The following SNTG1 variants were observed in gnomAD, a reference collection of about 807,000 sequenced individuals.
SNTG1 encodes syntrophin gamma 1.
In SNTG1, 39 loss-of-function variants were observed where a neutral mutation model predicts 74.7. The observed-to-expected ratio is 0.52, with a 90% CI of 0.40 to 0.68. SNTG1 has a LOEUF of 0.68. Ranked by LOEUF, SNTG1 falls within the 30% of genes least tolerant of loss-of-function variation. The probability of loss-of-function intolerance (pLI) is 0.00; values close to 1 mark genes in which losing one functional copy is unlikely to be tolerated. For missense variants in SNTG1, 685 were observed against 609.5 expected, an observed-to-expected ratio of 1.12 and a Z score of -1.30; for synonymous variants, 254 against 217.1, an observed-to-expected ratio of 1.17 and a Z score of -1.49.
intron 1 of SNTG1, among the ~76,000 whole-genome samples, chr8:50,094,454 A>T (rs1314069643): frequency 6.6e-6 from 1 of 152,204 alleles, no homozygotes; most frequent in Non-Finnish European, 1.5e-5. Context: ...TCTAATATCC[A>T]AAATCTATAA....
At chr8:50,493,418 T>A (rs960796887) in intron 8 of SNTG1, among the ~76,000 whole-genome samples, 13 of 152,176 alleles carry the variant, frequency 8.5e-5, no homozygotes, top group African/African-American at 3.1e-4. Context: ...TTTCTAATGT[T>A]TGTAATACTG....
At chr8:50,022,730 A>G (rs971247986) in intron 1 of SNTG1, among the ~76,000 whole-genome samples, 1 of 152,182 alleles carries the variant, frequency 6.6e-6, no homozygotes, top group African/African-American at 2.4e-5. Flanking sequence ...CAGAGCATAC[A>G]TGGATTAGGA....
intron 13 of SNTG1, among the ~76,000 whole-genome samples, chr8:50,621,659 C>T (rs1384827): frequency 0.043 from 6,549 of 152,192 alleles, 243 homozygotes; most frequent in African/African-American, 0.094. Context: ...AGCCAACAGA[C>T]AACTGCCAAG....
intron 3 of SNTG1, among the ~76,000 whole-genome samples, chr8:50,395,245 C>T (rs1023900932): frequency 6.6e-6 from 1 of 152,054 alleles, no homozygotes; most frequent in Non-Finnish European, 1.5e-5. Flanking sequence ...TAATAAATTG[C>T]TTTTATATTT....
chr8:49,961,895 C>A (rs1810717454), intron 1 of SNTG1, among the ~76,000 whole-genome samples: 1 of 152,166 alleles, frequency 6.6e-6, no homozygotes, highest in Admixed American at 6.5e-5. Context: ...TCTTGAGTGT[C>A]CATCCAAGTA....
intron 15 of SNTG1, among the ~76,000 whole-genome samples, chr8:50,659,188 G>A (rs2095203506): frequency 6.6e-6 from 1 of 152,042 alleles, no homozygotes. Context: ...TATATCAGTT[G>A]AATTTCATGC....
chr8:50,514,532 A>G (rs1025572049), intron 9 of SNTG1, among the ~76,000 whole-genome samples: 2 of 151,946 alleles, frequency 1.3e-5, no homozygotes, highest in Non-Finnish European at 2.9e-5. Flanking sequence ...TCATTTGTGT[A>G]TTTTTCAGTT....
In SNTG1 at chr8:50,290,360, A is replaced by C. The variant is rs77546209; in HGVS notation, c.-27-103852A>C. Among the ~76,000 whole-genome samples, 1,511 of 152,316 alleles carry C rather than the reference A, an allele frequency of 9.9e-3. 29 individuals are homozygous for C. The highest frequency in any genetic ancestry group is 0.033 in the African/African-American group (1,357 of 41,572). ...TTTCAGAATGCCATTTGCAATGCCT[A>C]AAGGTCCTTGAAAGAGGATTCTTTC... On this transcript the variant is annotated intron_variant, in intron 2 of 18. Transcript: ENST00000642720.
intron 12 of SNTG1, among the ~76,000 whole-genome samples, chr8:50,590,390 T>C (rs1477362101): frequency 2.0e-5 from 3 of 152,146 alleles, no homozygotes; most frequent in Non-Finnish European, 2.9e-5. Context: ...TAAAATGTCA[T>C]TGATTAAATT....
At chr8:50,463,705 G>A (rs2131698985) in intron 8 of SNTG1, among the ~76,000 whole-genome samples, 1 of 152,204 alleles carries the variant, frequency 6.6e-6, no homozygotes, top group African/African-American at 2.4e-5. Flanking sequence ...AAAGTCGCTA[G>A]CATTTTCAAA....
chr8:50,377,016 G>A (rs1015682097), intron 2 of SNTG1, among the ~76,000 whole-genome samples: 13 of 152,094 alleles, frequency 8.5e-5, no homozygotes, highest in African/African-American at 2.9e-4. Flanking sequence ...GCTCCTGCCT[G>A]GGCATCATGA....
At chr8:50,791,657 T>C (rs866900898) in intron 18 of SNTG1, among the ~76,000 whole-genome samples, 9 of 151,890 alleles carry the variant, frequency 5.9e-5, no homozygotes, top group African/African-American at 1.7e-4. Context: ...ATTATAATTC[T>C]AAATTCTTTA....
At chr8:49,960,554 G>A (rs759169512) in intron 1 of SNTG1, among the ~76,000 whole-genome samples, 8 of 151,926 alleles carry the variant, frequency 5.3e-5, no homozygotes, top group Admixed American at 2.6e-4. Context: ...TTGAAAGGAC[G>A]ATATGTTGAT....
intron 1 of SNTG1, among the ~76,000 whole-genome samples, chr8:50,088,909 A>C (rs534529274): frequency 9.4e-4 from 142 of 150,268 alleles, no homozygotes; most frequent in Middle Eastern, 3.4e-3. Context: ...AAACTACTTT[A>C]AAGTTCATAT....
intron 13 of SNTG1, among the ~76,000 whole-genome samples, chr8:50,650,055 C>T (rs563579509): frequency 6.6e-6 from 1 of 150,988 alleles, no homozygotes; most frequent in South Asian, 2.1e-4. Context: ...AGTGTATATT[C>T]CTGTATTGTT....
chr8:50,720,277 A>T (rs1012736831), intron 17 of SNTG1, among the ~76,000 whole-genome samples: 2 of 152,196 alleles, frequency 1.3e-5, no homozygotes, highest in Admixed American at 6.5e-5. Flanking sequence ...TAGCCTTTTA[A>T]TAACTTTCTC....
At chr8:50,326,850 G>A (rs1359080720) in intron 2 of SNTG1, among the ~76,000 whole-genome samples, 1 of 151,776 alleles carries the variant, frequency 6.6e-6, no homozygotes, top group Non-Finnish European at 1.5e-5. Context: ...TCTAAGCACT[G>A]CTATCTCTAC....
intron 18 of SNTG1, among the ~76,000 whole-genome samples, chr8:50,756,779 G>A (rs566454216): frequency 2.0e-5 from 3 of 151,594 alleles, no homozygotes; most frequent in East Asian, 3.9e-4. Flanking sequence ...ATATATTTTA[G>A]AATCAATTTG....
At chr8:50,251,832 C>T (rs932894868) in intron 2 of SNTG1, among the ~76,000 whole-genome samples, 14 of 151,992 alleles carry the variant, frequency 9.2e-5, no homozygotes, top group Admixed American at 2.6e-4. Flanking sequence ...AAAGAAACAA[C>T]AGACTCAAAC....
Sources: gnomAD v4.1 joint callset for allele counts (sites outside exome capture counted in the v4.1 genomes callset) on GRCh38, gnomAD v4.1.1 for gene constraint, MANE v1.5 for transcripts, NCBI Gene and HGNC (gene_info 2026-07-23, HGNC 2026-07-21) for gene names.